XRRA1: variants seen among roughly 807,000 people sequenced by gnomAD.
XRRA1 encodes the protein X-ray radiation resistance-associated protein 1.
A neutral mutation model predicts 80.2 loss-of-function variants in XRRA1; 69 were observed. That is an observed-to-expected ratio of 0.86 (90% CI 0.71 to 1.05). XRRA1 has a LOEUF of 1.05. Among genes scored for constraint, XRRA1 ranks in the 50% least tolerant of loss-of-function variants. XRRA1 has a pLI of 0.00. For synonymous variants in XRRA1, 348 were observed against 389.9 expected (o/e 0.89, Z 1.27); for missense variants, 967 against 976.4 (o/e 0.99, Z 0.13).
chr11:74,872,331 C>A (rs994581277), intron 10 of XRRA1, among the ~76,000 whole-genome samples: 1 of 152,140 alleles, frequency 6.6e-6, no homozygotes, highest in Non-Finnish European at 1.5e-5. Flanking sequence ...ATTATACTGG[C>A]AGCTCCCAAT....
chr11:74,892,092 G>A (rs1167113948), intron 10 of XRRA1, among the ~76,000 whole-genome samples: 6 of 152,122 alleles, frequency 3.9e-5, no homozygotes, highest in South Asian at 2.1e-4. Context: ...AGCCCGCATC[G>A]CCAAGTCAAT....
chr11:74,844,728 G>A (rs773556953), intron 16 of XRRA1, among the ~76,000 whole-genome samples: 99 of 152,188 alleles, frequency 6.5e-4, no homozygotes, highest in Non-Finnish European at 1.4e-3. Context: ...ACTTAACCTG[G>A]GCTGGGAAAA....
chr11:74,868,688 T>G (rs2044047661), intron 10 of XRRA1, among the ~76,000 whole-genome samples: 1 of 147,442 alleles, frequency 6.8e-6, no homozygotes, highest in Non-Finnish European at 1.5e-5. Flanking sequence ...AAAGCAGGGG[T>G]TGTTGAAATT....
intron 9 of XRRA1, 89 bp downstream of exon 9, chr11:74,907,056 C>G (rs991619001): frequency 6.4e-7 from 1 of 1,560,224 alleles, no homozygotes; most frequent in African/African-American, 1.4e-5. Context: ...GCTTTAAACC[C>G]AAACCTTTTG....
chr11:74,934,670 C>A (rs967314859), intron 4 of XRRA1, among the ~76,000 whole-genome samples: 1 of 151,958 alleles, frequency 6.6e-6, no homozygotes, highest in African/African-American at 2.4e-5. Context: ...TCTACCAAGG[C>A]AGGAAAAAGC....
chr11:74,863,349 A>G (rs1565259931), intron 10 of XRRA1: 2 of 341,258 alleles, frequency 5.9e-6, no homozygotes, highest in Non-Finnish European at 1.1e-5. Flanking sequence ...CTGACCTTCA[A>G]TCTGACTTTA....
At chr11:74,938,951 C>T (rs1945709421) in intron 3 of XRRA1, among the ~76,000 whole-genome samples, 1 of 152,208 alleles carries the variant, frequency 6.6e-6, no homozygotes, top group African/African-American at 2.4e-5. Context: ...AACTCTAATG[C>T]AACATCCTAT....
intron 7 of XRRA1, among the ~76,000 whole-genome samples, chr11:74,921,821 C>A (rs990309425): frequency 2.0e-5 from 3 of 152,092 alleles, no homozygotes; most frequent in Non-Finnish European, 4.4e-5. Context: ...TATGTATATG[C>A]CTAGCACAGT....
chr11:74,891,458 G>A (rs2050678974), intron 10 of XRRA1, among the ~76,000 whole-genome samples: 1 of 152,170 alleles, frequency 6.6e-6, no homozygotes, highest in South Asian at 2.1e-4. Context: ...TACTGAATGG[G>A]CAGAAACTGG....
chr11:74,890,567 G>T (rs2050379039), intron 10 of XRRA1, among the ~76,000 whole-genome samples: 1 of 152,132 alleles, frequency 6.6e-6, no homozygotes. Context: ...AGAACTGAAG[G>T]AAATAGAGAC....
chr11:74,893,657 A>T (rs2051424665), intron 10 of XRRA1, among the ~76,000 whole-genome samples: 1 of 152,194 alleles, frequency 6.6e-6, no homozygotes, highest in Non-Finnish European at 1.5e-5. Flanking sequence ...ATCACTAATC[A>T]TTAGAAAAAT....
intron 2 of XRRA1, among the ~76,000 whole-genome samples, chr11:74,943,896 A>G (rs1257473401): frequency 1.3e-5 from 2 of 151,936 alleles, no homozygotes; most frequent in African/African-American, 4.8e-5. Flanking sequence ...ATCACGGCTC[A>G]TTGTAGCCTC....
chr11:74,942,810 T>C (rs1946591511), intron 2 of XRRA1, among the ~76,000 whole-genome samples: 1 of 152,258 alleles, frequency 6.6e-6, no homozygotes, highest in Admixed American at 6.5e-5. Flanking sequence ...GGCTAACTCA[T>C]GCTGCTCATT....
intron 8 of XRRA1, among the ~76,000 whole-genome samples, chr11:74,915,456 G>GCTACA (rs1199949808): frequency 6.6e-6 from 1 of 152,118 alleles, no homozygotes; most frequent in East Asian, 1.9e-4. Flanking sequence ...AGGGATGAAG[G>GCTACA]CTACACACTT....
intron 10 of XRRA1, among the ~76,000 whole-genome samples, chr11:74,867,909 T>C (rs1054295882): frequency 1.6e-5 from 2 of 124,474 alleles, no homozygotes; most frequent in Admixed American, 9.7e-5. Context: ...TGGGGGCCTA[T>C]AGTCAATCTT....
rs118029138 is a variant in XRRA1 at position 74,928,717 on chromosome 11, C to T, written c.425-1229G>A. Among the ~76,000 whole-genome samples, 19 of 152,298 alleles carry T rather than the reference C, an allele frequency of 1.2e-4. No individual in the cohort carries two copies. The East Asian group carries it at 3.7e-3, about 29-fold the overall frequency. Reference sequence around the variant, plus strand: ...AATGTTCAGTAGAACCTAATAAAGGCTGCTTTGTGAATATTTCTGGATGTT... The same window carrying T: ...AATGTTCAGTAGAACCTAATAAAGGTTGCTTTGTGAATATTTCTGGATGTT... On this transcript the variant is annotated intron_variant, in intron 6 of 18. Coordinates refer to ENST00000684022, the MANE Select transcript of XRRA1 (RefSeq NM_001378157.1).
chr11:74,919,162 T>C (rs959470947), intron 8 of XRRA1: 5 of 152,336 alleles, frequency 3.3e-5, no homozygotes, highest in Admixed American at 3.3e-4. Flanking sequence ...GTTCTCTGGG[T>C]ATGATTTTTA....
In XRRA1 at chr11:74,921,281, G is replaced by C; in HGVS notation, c.589C>G (p.Leu197Val). Residue 197 changes from leucine (L) to valine (V), a missense_variant, in exon 8 of 19, where the codon CTC becomes GTC. By Grantham distance (32) the Leu-to-Val change is conservative. Transcript: ENST00000684022. ...AICDLGILPH[L>V]RVLLLTGNGL... The stretch of plus-strand genomic sequence containing the variant: ...TTGCCTGTGAGGAGCAGGACACGGA[G>C]GTGTGGCAGAATCCCCAAATCACAG... 6.2e-7 allele frequency: 1 copy of C among 1,614,002 alleles called. No homozygotes were observed. The highest frequency in any genetic ancestry group is 1.1e-5 in the South Asian group (1 of 91,086).
intron 2 of XRRA1, among the ~76,000 whole-genome samples, chr11:74,944,339 A>G (rs145547983): frequency 1.7e-3 from 260 of 152,320 alleles, no homozygotes; most frequent in African/African-American, 6.0e-3. Context: ...CAAGACATAT[A>G]TATCTGCTAC....
Sources: gnomAD v4.1 joint callset for allele counts (sites outside exome capture counted in the v4.1 genomes callset) on GRCh38, gnomAD v4.1.1 for gene constraint, MANE v1.5 for transcripts, NCBI Gene and HGNC (gene_info 2026-07-23, HGNC 2026-07-21) for gene names.